The following MINDY4 variants were observed in gnomAD, a reference collection of about 807,000 sequenced individuals.
MINDY4 encodes probable ubiquitin carboxyl-terminal hydrolase MINDY-4.
In MINDY4, 68 loss-of-function variants were observed where a neutral mutation model predicts 87.0. That is an observed-to-expected ratio of 0.78 (90% CI 0.64 to 0.96). The LOEUF (loss-of-function observed/expected upper bound fraction) is 0.96. Among genes scored for constraint, MINDY4 ranks in the 40% least tolerant of loss-of-function variants. MINDY4 has a pLI of 0.00. For synonymous variants in MINDY4, 379 were observed against 363.2 expected (o/e 1.04, Z -0.50); for missense variants, 919 against 928.2 (o/e 0.99, Z 0.13).
In MINDY4 at chr7:30,887,575, G is replaced by A. The variant is rs764783222; in HGVS notation, c.2226-4382G>A. 3.9e-4 allele frequency among the ~76,000 whole-genome samples: 60 copies of A among 152,260 alleles called. 1 individual carries two copies. Among genetic ancestry groups the A allele is most frequent in the Non-Finnish European group, 2.1e-4 (14 of 68,042 alleles). On this transcript the variant is annotated intron_variant, in intron 17 of 17. Transcript: ENST00000265299. ...AGAGTGCAAGGCAGGGCTTTGAAGC[G>A]TGAGCCAGCGAGGACCATGGTTTCC...
intron 15 of MINDY4, among the ~76,000 whole-genome samples, chr7:30,878,107 C>T (rs970688434): frequency 6.6e-6 from 1 of 151,974 alleles, no homozygotes; most frequent in African/African-American, 2.4e-5. Flanking sequence ...GACCTGGACT[C>T]AGAGCCAGGG....
chr7:30,777,393 C>T (rs1017067257), intron 1 of MINDY4, among the ~76,000 whole-genome samples: 1 of 152,092 alleles, frequency 6.6e-6, no homozygotes, highest in Non-Finnish European at 1.5e-5. Context: ...TTGAACCCCA[C>T]CTCTCCTTCA....
intron 17 of MINDY4, among the ~76,000 whole-genome samples, chr7:30,883,564 G>A (rs991761693): frequency 5.3e-5 from 8 of 152,230 alleles, no homozygotes; most frequent in Admixed American, 1.3e-4. Flanking sequence ...GGGAGGCTGA[G>A]GCTCAGGCCA....
intron 5 of MINDY4, among the ~76,000 whole-genome samples, chr7:30,794,849 C>T (rs540594452): frequency 6.6e-6 from 1 of 152,288 alleles, no homozygotes; most frequent in Non-Finnish European, 1.5e-5. Flanking sequence ...ACCCTCGTCT[C>T]TCTCTCCCTC....
chr7:30,826,171 T>G (rs1043701567), intron 5 of MINDY4, among the ~76,000 whole-genome samples: 2 of 152,230 alleles, frequency 1.3e-5, no homozygotes, highest in Non-Finnish European at 2.9e-5. Context: ...CTTCACTTAT[T>G]CTTATTTGCA....
At chr7:30,831,698 A>G (rs901436004) in intron 6 of MINDY4, among the ~76,000 whole-genome samples, 1 of 152,176 alleles carries the variant, frequency 6.6e-6, no homozygotes, top group Admixed American at 6.5e-5. Context: ...TCTTGTGGTC[A>G]GTAGGAAATT....
intron 4 of MINDY4, among the ~76,000 whole-genome samples, chr7:30,788,561 A>T (rs1584239080): frequency 6.6e-6 from 1 of 152,228 alleles, no homozygotes; most frequent in East Asian, 1.9e-4. Flanking sequence ...TCACGGTGGC[A>T]GATAGAAGTT....
Position 30,886,778 on chromosome 7 carries a change from C to A in MINDY4, c.2225+3785C>A, listed in dbSNP as rs139842076. On this transcript the variant is annotated intron_variant, in intron 17 of 17. Coordinates refer to ENST00000265299, the MANE Select transcript of MINDY4 (RefSeq NM_032222.3). ...TCTCTGCGCTTTGCTGTGACGCAAA[C>A]CTCGGCCTGAGAGAGTCTCCTGTTA... Among the ~76,000 whole-genome samples, 204 of 152,350 alleles carry A rather than the reference C, an allele frequency of 1.3e-3. 2 individuals are homozygous for A. Among genetic ancestry groups the A allele is most frequent in the African/African-American group, 4.8e-3 (200 of 41,584 alleles).
chr7:30,837,452 A>G (rs1018694859), intron 7 of MINDY4, among the ~76,000 whole-genome samples: 4 of 152,144 alleles, frequency 2.6e-5, no homozygotes, highest in Non-Finnish European at 4.4e-5. Flanking sequence ...TACTTACTAC[A>G]TATTTACTCA....
At chr7:30,794,898 A>G (rs1787437800) in intron 5 of MINDY4, among the ~76,000 whole-genome samples, 3 of 151,958 alleles carry the variant, frequency 2.0e-5, no homozygotes, top group Admixed American at 1.3e-4. Context: ...GCCTTTCTCT[A>G]CACATTTGTG....
At chr7:30,835,116 G>C (rs1250182731) in intron 6 of MINDY4, among the ~76,000 whole-genome samples, 1 of 152,160 alleles carries the variant, frequency 6.6e-6, no homozygotes, top group African/African-American at 2.4e-5. Flanking sequence ...CCAATTTACT[G>C]TATTAGTCTG....
At chr7:30,813,013 A>G (rs1788049007) in intron 5 of MINDY4, among the ~76,000 whole-genome samples, 1 of 152,156 alleles carries the variant, frequency 6.6e-6, no homozygotes, top group African/African-American at 2.4e-5. Flanking sequence ...CGCCCACACC[A>G]TCCAGAAGGG....
At chr7:30,791,936 G>A (rs1787337608) in intron 5 of MINDY4, among the ~76,000 whole-genome samples, 1 of 152,218 alleles carries the variant, frequency 6.6e-6, no homozygotes, top group African/African-American at 2.4e-5. Context: ...ATGAATTTGT[G>A]TTGGGCTGCA....
At chr7:30,840,723 C>G in intron 8 of MINDY4, 37 bp from the exon 9 acceptor site, 1 of 1,602,046 alleles carries the variant, frequency 6.2e-7, no homozygotes, top group Non-Finnish European at 8.5e-7. Context: ...TGCCCCAGGC[C>G]AGTTCTCACT....
At position 30,839,243 on chromosome 7, in the gene MINDY4, A is replaced by G. The variant is rs201362298; in HGVS notation, c.1283A>G (p.Asn428Ser). ...TTTGGTTCCAGCTTTTGCTGTTTCA[A>G]TGAAGAATGGAAACTTCAGAGTTTT... ...LLFGSSFCCF[N>S]EEWKLQSFSF... Residue 428 changes from asparagine (N) to serine (S), a missense_variant, in exon 8 of 18, where the codon AAT becomes AGT. Physicochemically the swap from Asn to Ser is conservative, Grantham distance 46 (BLOSUM62 1). Transcript: ENST00000265299. 32 of 1,612,782 alleles carry G rather than the reference A, an allele frequency of 2.0e-5. No homozygotes were observed. The highest frequency in any genetic ancestry group is 6.7e-5 in the Admixed American group (4 of 59,806).
chr7:30,796,090 A>G (rs1787476879), intron 5 of MINDY4, among the ~76,000 whole-genome samples: 1 of 150,824 alleles, frequency 6.6e-6, no homozygotes, highest in Non-Finnish European at 1.5e-5. Context: ...TATGCCTGCC[A>G]CAGAGGGCAG....
At chr7:30,788,062 C>T (rs943582827) in intron 4 of MINDY4, among the ~76,000 whole-genome samples, 1 of 152,010 alleles carries the variant, frequency 6.6e-6, no homozygotes, top group East Asian at 1.9e-4. Flanking sequence ...CATTTTTTTG[C>T]AGATCTCTTT....
chr7:30,859,317 A>G lies in MINDY4; in HGVS notation c.1738A>G (p.Thr580Ala). ...CCTTTCTGCCATCCTGTCCAGGTCT[A>G]CAGAGCTGTGAGTATCTTTCTCCCT... ...LTLSAILSRS[T>A]ELIRQDFDVP... The change falls in exon 13 of 18, where the codon ACA (threonine) becomes GCA (alanine). Residue 580 changes from threonine (T) to alanine (A), a missense_variant. By Grantham distance (58) the Thr-to-Ala change is moderately conservative. Transcript: ENST00000265299. The G allele has an allele frequency of 6.2e-7, 1 of 1,613,962 alleles. No homozygotes were observed. Among genetic ancestry groups the G allele is most frequent in the East Asian group, 2.2e-5 (1 of 44,864 alleles).
At chr7:30,810,174 CAAAA>C (rs58498956) in intron 5 of MINDY4, among the ~76,000 whole-genome samples, 1 of 66,698 alleles carries the variant, frequency 1.5e-5, no homozygotes, top group African/African-American at 6.2e-5. Flanking sequence ...GACTCTGTTT[CAAAA>C]AAAAAAAAAA....
Sources: allele counts gnomAD v4.1 joint callset (sites outside exome capture counted in the v4.1 genomes callset), GRCh38; gene constraint gnomAD v4.1.1; transcripts MANE v1.5; gene names NCBI Gene and HGNC (gene_info 2026-07-23, HGNC 2026-07-21).